Variants in ZBED6 observed in about 807,000 individuals in gnomAD.
The protein encoded by ZBED6 is zinc finger BED domain-containing protein 6.
A neutral mutation model predicts 58.4 loss-of-function variants in ZBED6; 40 were observed. The observed-to-expected ratio is 0.68, with a 90% CI of 0.53 to 0.89. ZBED6 has a LOEUF of 0.89. Ranked by LOEUF, ZBED6 falls within the 40% of genes least tolerant of loss-of-function variation. The pLI is 0.00. For synonymous variants in ZBED6, 439 were observed against 350.6 expected, an observed-to-expected ratio of 1.25 and a Z score of -2.82; for missense variants, 1,057 against 1,003.9, an observed-to-expected ratio of 1.05 and a Z score of -0.71.
At position 203,844,568 on chromosome 1, in the gene ZBED6, T is replaced by G. The variant is rs1687360589; in HGVS notation, c.*3742-2616T>G. 2.0e-5 allele frequency among the ~76,000 whole-genome samples: 3 copies of G among 152,232 alleles called. No homozygotes were observed. In the South Asian group the frequency reaches 6.2e-4, roughly 32 times the overall value. On this transcript the variant is annotated intron_variant, in intron 11 of 16. Coordinates refer to ENST00000550078, the Ensembl canonical transcript of ZBED6. ...TTCTTTTTATTTATTTTGGTTTATC[T>G]TAAATATTGTTGTTTTTCCATAGTT... is the stretch of plus-strand genomic sequence containing the variant.
chr1:203,799,482 A>T, exon 1 of ZBED6: 1 of 702,998 alleles, frequency 1.4e-6, no homozygotes. Context: ...TACTTTTTAT[A>T]TGTTAAAATG....
intron 3 of ZBED6, among the ~76,000 whole-genome samples, chr1:203,819,152 A>G (rs1572076329): frequency 6.9e-6 from 1 of 145,396 alleles, no homozygotes; most frequent in East Asian, 1.9e-4. Context: ...GTGTGTATAT[A>G]CACACACGTG....
chr1:203,830,949 T>C (rs1682111464), intron 7 of ZBED6, among the ~76,000 whole-genome samples: 1 of 108,482 alleles, frequency 9.2e-6, no homozygotes, highest in Non-Finnish European at 1.9e-5. Flanking sequence ...TTTTTTTTTT[T>C]TTTTTTTTTT....
At chr1:203,821,879 T>C (rs767000047) in intron 3 of ZBED6, among the ~76,000 whole-genome samples, 46 of 151,968 alleles carry the variant, frequency 3.0e-4, no homozygotes, top group Admixed American at 7.9e-4. Context: ...TGTTTCAGTC[T>C]CCCGAGTAGC....
At chr1:203,850,567 C>T (rs759788650) in exon 15 of ZBED6, 10 of 1,613,872 alleles carry the variant, frequency 6.2e-6, no homozygotes, top group Non-Finnish European at 7.6e-6. Context: ...TGTCATCCCC[C>T]AAATTGGCCC....
intron 10 of ZBED6, among the ~76,000 whole-genome samples, chr1:203,839,915 T>C (rs1360384142): frequency 6.6e-6 from 1 of 152,118 alleles, no homozygotes; most frequent in Non-Finnish European, 1.5e-5. Context: ...ACGATTCTCC[T>C]GTCTCAGCCT....
Position 203,847,764 on chromosome 1 carries a change from G to A in ZBED6, c.*4245+77G>A, listed in dbSNP as rs1364325151. 9 of 1,533,942 alleles carry A rather than the reference G, an allele frequency of 5.9e-6. No homozygotes were observed. In the East Asian group the frequency reaches 1.6e-4, roughly 27 times the overall value. On this transcript the variant is annotated intron_variant, in intron 12 of 16. Transcript: ENST00000550078. Reference sequence around the variant, plus strand: ...GGAGTGTTCCGTGGGATCTTCCTAGGAGTTGTTTGACAACCTTTCTTTACT... The same window carrying A: ...GGAGTGTTCCGTGGGATCTTCCTAGAAGTTGTTTGACAACCTTTCTTTACT...
chr1:203,847,489 G>C (rs749400839), exon 12 of ZBED6: 1 of 1,613,958 alleles, frequency 6.2e-7, no homozygotes, highest in Admixed American at 1.7e-5. Context: ...GCCACCCATT[G>C]TTGCCAGCAG....
intron 8 of ZBED6, 47 bp downstream of exon 8, chr1:203,831,818 TA>T: frequency 6.8e-7 from 1 of 1,470,144 alleles, no homozygotes. Flanking sequence ...TACTTTTATA[TA>T]ATTGGGAATG....
At chr1:203,850,531 C>T (rs202003794) in exon 15 of ZBED6, 22 of 1,613,908 alleles carry the variant, frequency 1.4e-5, no homozygotes, top group Admixed American at 8.3e-5. Flanking sequence ...CCAAAGTGAA[C>T]GTGAAGCCAT....
intron 12 of ZBED6, 134 bp from the exon 13 acceptor site, chr1:203,848,197 G>A: frequency 2.7e-6 from 2 of 745,796 alleles, no homozygotes; most frequent in Non-Finnish European, 4.4e-6. Context: ...GACTTTAGGA[G>A]CACAGATGGG....
At chr1:203,799,910 A>G (rs1670005662) in exon 1 of ZBED6, 1 of 1,536,126 alleles carries the variant, frequency 6.5e-7, no homozygotes, top group African/African-American at 1.4e-5. Context: ...AGTTCCTTGC[A>G]GAAGAGGTCT....
intron 1 of ZBED6, among the ~76,000 whole-genome samples, chr1:203,815,379 C>T (rs1572042002): frequency 2.1e-5 from 2 of 96,914 alleles, no homozygotes; most frequent in Admixed American, 1.3e-4. Flanking sequence ...CCACACCCAG[C>T]TTTTTTTTTT....
At chr1:203,798,088 A>G (rs1322105439) in exon 1 of ZBED6, 3 of 1,536,154 alleles carry the variant, frequency 2.0e-6, no homozygotes, top group Non-Finnish European at 2.6e-6. Flanking sequence ...AGGGCCAACA[A>G]GTTTGGAGTT....
At chr1:203,829,268 T>C (rs1207767606) in intron 4 of ZBED6, 183 bp from the exon 5 acceptor site, 1 of 627,060 alleles carries the variant, frequency 1.6e-6, no homozygotes, top group African/African-American at 1.8e-5. Context: ...GGAGAGTTAG[T>C]GGAGAGTTAA....
intron 7 of ZBED6, 68 bp downstream of exon 7, chr1:203,830,271 A>C: frequency 8.3e-7 from 1 of 1,205,086 alleles, no homozygotes; most frequent in South Asian, 1.4e-5. Context: ...ACGCTTCTAG[A>C]AGCAACAGCC....
exon 1 of ZBED6, chr1:203,801,798 C>A (rs181968774): frequency 7.3e-6 from 1 of 137,216 alleles, no homozygotes; most frequent in East Asian, 2.2e-4. Context: ...GTATCAAAAT[C>A]GGGTTTTTTT....
chr1:203,806,086 G>C (rs527975620), intron 1 of ZBED6: 1 of 504,466 alleles, frequency 2.0e-6, no homozygotes, highest in South Asian at 1.6e-5. Context: ...GGCTTTCTGC[G>C]TAATCATATT....
intron 11 of ZBED6, among the ~76,000 whole-genome samples, chr1:203,845,160 G>A (rs1017927810): frequency 6.6e-6 from 1 of 152,102 alleles, no homozygotes; most frequent in Non-Finnish European, 1.5e-5. Context: ...TCAGACATCT[G>A]CTTTCTGTTT....
Sources: allele counts gnomAD v4.1 joint callset (sites outside exome capture counted in the v4.1 genomes callset), GRCh38; gene constraint gnomAD v4.1.1; transcripts MANE v1.5; gene names NCBI Gene and HGNC (gene_info 2026-07-23, HGNC 2026-07-21).